DHX30: variants seen among roughly 807,000 people sequenced by gnomAD.
The protein encoded by DHX30 is DExH-box helicase 30.
A neutral mutation model predicts 116.9 loss-of-function variants in DHX30; 4 were observed. The observed-to-expected ratio is 0.03, with a 90% CI of 0.02 to 0.08. The LOEUF is 0.08. Among genes scored for constraint, DHX30 ranks in the 10% least tolerant of loss-of-function variants. The pLI, the probability that DHX30 is intolerant of heterozygous loss-of-function variation, is 1.00. For synonymous variants in DHX30, 697 were observed against 651.7 expected (o/e 1.07, Z -1.06); for missense variants, 871 against 1,595.1 (o/e 0.55, Z 7.73).
chr3:47,825,501 A>G (rs1050808633), intron 4 of DHX30, among the ~76,000 whole-genome samples: 1 of 152,204 alleles, frequency 6.6e-6, no homozygotes, highest in African/African-American at 2.4e-5. Context: ...GAGTGGGGAA[A>G]ACGAGTAAAA....
Position 47,805,377 on chromosome 3 carries a change from G to A in DHX30, c.-71G>A, listed in dbSNP as rs1337845521. 2.5e-6 allele frequency: 1 copy of A among 399,018 alleles called. No individual in the cohort carries two copies. Among genetic ancestry groups the A allele is most frequent in the African/African-American group, 2.1e-5 (1 of 48,650 alleles). The allele number at this position is 399,018 out of a possible 1,614,324, so 24.7% of individuals were successfully genotyped here. A position where few individuals can be genotyped will look rare whatever the true frequency, so the allele number is the denominator to read the frequency against. On this transcript the variant is annotated 5_prime_UTR_variant, in exon 2 of 22. Coordinates refer to ENST00000445061, the MANE Select transcript of DHX30 (RefSeq NM_138615.3). ...ATAGCAAGGAGAGAATTCAGCTCCA[G>A]TTCAAAAGCCTACAAAATCTGAGAC...
rs1327347038 is a variant in DHX30 at position 47,848,603 on chromosome 3, C to T, written c.2576-21C>T. 6 of 1,614,034 alleles carry T rather than the reference C, an allele frequency of 3.7e-6. No homozygotes were observed. Among genetic ancestry groups the T allele is most frequent in the Non-Finnish European group, 5.1e-6 (6 of 1,179,990 alleles). ...TGGGGAGTGGCTCTCGAGGGTGGTA[C>T]TGACAGCTGAGCCGTTGCAGGGGTG... On this transcript the variant is annotated intron_variant, in intron 16 of 21. Transcript: ENST00000445061. This position sits in a 1 kb window ranked among gnomAD's most constrained non-coding sequence, Gnocchi z 9.4.
chr3:47,845,804 C>G lies in DHX30; in HGVS notation c.1044C>G (p.Ile348Met). The G allele has an allele frequency of 6.2e-7, 1 of 1,611,082 alleles. No individual in the cohort carries two copies. Among genetic ancestry groups the G allele is most frequent in the Non-Finnish European group, 8.5e-7 (1 of 1,177,478 alleles). The change falls in exon 10 of 22, where the codon ATC becomes ATG. Residue 348 changes from isoleucine (I) to methionine (M), a missense_variant. By Grantham distance (10) the Ile-to-Met change is conservative (BLOSUM62 1). Around this residue, in one of 13 missense-constraint regions of DHX30, gnomAD observed 175 missense variants for 292.9 expected, o/e 0.60. Coordinates refer to ENST00000445061, the MANE Select transcript of DHX30 (RefSeq NM_138615.3). ...AGACCCAGCGCCGACCATGCACCAT[C>G]CAGGTGCCCGAGCCCATCCTCCGCA... ...LGETQRRPCTIQVPEPILRKI... is the reference protein window; with the variant it reads ...LGETQRRPCTMQVPEPILRKI...
chr3:47,803,490 G>A (rs1484471213), intron 1 of DHX30, among the ~76,000 whole-genome samples: 1 of 152,200 alleles, frequency 6.6e-6, no homozygotes, highest in Non-Finnish European at 1.5e-5. Flanking sequence ...CTCGCAGCCA[G>A]GGGCTCCGCG....
chr3:47,803,933 T>G (rs1375328172), intron 1 of DHX30, among the ~76,000 whole-genome samples: 1 of 152,196 alleles, frequency 6.6e-6, no homozygotes, highest in East Asian at 1.9e-4. Flanking sequence ...TGTTTCACTT[T>G]ACAACCCCAC....
intron 3 of DHX30, among the ~76,000 whole-genome samples, chr3:47,814,858 T>A (rs528381168): frequency 6.6e-6 from 1 of 152,016 alleles, no homozygotes; most frequent in African/African-American, 2.4e-5. Flanking sequence ...TTGTTCTGTA[T>A]TTTTTTAAGA....
chr3:47,845,526 G>T (rs1011896788), intron 9 of DHX30, 174 bp from the exon 10 acceptor site: 1 of 687,418 alleles, frequency 1.5e-6, no homozygotes, highest in Non-Finnish European at 2.1e-6. Context: ...GTTTATTTTG[G>T]TAAGTTAACA....
rs769809768 is a variant in DHX30, at chr3:47,840,973, C to T, written c.463C>T (p.Arg155Cys). ...RFGSPADSWW[R>C]PEPTMPPTSW... ...TGGCTCCCCTGCCGACAGCTGGTGGCGTCCGGAACCCACCATGCCCCCTAC... is the reference window on the plus strand; with the variant it reads ...TGGCTCCCCTGCCGACAGCTGGTGGTGTCCGGAACCCACCATGCCCCCTAC... Residue 155 changes from arginine (R) to cysteine (C), a missense_variant, in exon 7 of 22, where the codon CGT (arginine) becomes TGT (cysteine). Physicochemically the swap from Arg to Cys is radical, Grantham distance 180. Around this residue, in one of 13 missense-constraint regions of DHX30, gnomAD observed 109 missense variants for 118.8 expected, o/e 0.92. Coordinates refer to ENST00000445061, the MANE Select transcript of DHX30 (RefSeq NM_138615.3). 37 of 1,614,078 alleles carry T rather than the reference C, an allele frequency of 2.3e-5. No homozygotes were observed. The highest frequency in any genetic ancestry group is 4.0e-5 in the African/African-American group (3 of 74,940).
intron 2 of DHX30, among the ~76,000 whole-genome samples, chr3:47,809,997 T>C (rs1184242924): frequency 6.6e-6 from 1 of 152,232 alleles, no homozygotes; most frequent in Non-Finnish European, 1.5e-5. Context: ...CAGTTAAATA[T>C]ACTAATAAGC....
chr3:47,847,338 C>A lies in DHX30; in HGVS notation c.1995C>A (p.Arg665=), dbSNP rs145758649. ...VTDLVLHIDA[R]GEPGGILCFL... ...ATCTGGTTCTGCACATCGATGCTCG[C>A]GGGGAACCAGGTGGGTGCCTCCCCA... The change falls in exon 12 of 22, where the codon CGC becomes CGA. Residue 665 remains arginine, a synonymous_variant. Transcript: ENST00000445061. This position sits in a 1 kb window ranked among gnomAD's most constrained non-coding sequence, Gnocchi z 5.5. 174 of 1,614,234 alleles carry A rather than the reference C, an allele frequency of 1.1e-4. 1 individual carries two copies. The Middle Eastern group carries it at 2.0e-3, about 18-fold the overall frequency.
chr3:47,837,287 C>G (rs1026827984), intron 6 of DHX30, among the ~76,000 whole-genome samples: 3 of 152,340 alleles, frequency 2.0e-5, no homozygotes, highest in African/African-American at 7.2e-5. Context: ...AGGGCCTTCA[C>G]TGTCACAGGG....
intron 8 of DHX30, chr3:47,842,380 T>C (rs2037417376): frequency 6.6e-6 from 1 of 152,656 alleles, no homozygotes; most frequent in Admixed American, 6.5e-5. Flanking sequence ...CATAAAACCT[T>C]GAGTTCGTGT....
In DHX30 at chr3:47,849,961, G is replaced by A. The variant is rs1232399883; in HGVS notation, c.3426G>A (p.Arg1142=). The A allele has an allele frequency of 1.2e-6, 2 of 1,612,950 alleles. No homozygotes were observed. The highest frequency in any genetic ancestry group is 8.5e-7 in the Non-Finnish European group (1 of 1,179,740). The part of the protein sequence containing the change: ...SRTVRLLKEL[R]RALGRMVERS... ...CCGTGCGGCTGCTGAAGGAGCTGCG[G>A]CGGGCCCTGGGCCGCATGGTGGAGC... Residue 1142 remains arginine (R), a synonymous_variant, in exon 22 of 22, where the codon CGG becomes CGA. Transcript: ENST00000445061.
At chr3:47,813,925 G>T (rs1576465397) in intron 3 of DHX30, among the ~76,000 whole-genome samples, 1 of 89,238 alleles carries the variant, frequency 1.1e-5, no homozygotes, top group Non-Finnish European at 2.0e-5. Flanking sequence ...CCAGCTGTAT[G>T]TAAGAAGGAA....
intron 4 of DHX30, chr3:47,825,205 GC>G (rs1451346520): frequency 6.2e-6 from 4 of 648,956 alleles, no homozygotes; most frequent in East Asian, 3.3e-5. Flanking sequence ...GTCAGGGATG[GC>G]CCCCGGCGGG....
At chr3:47,815,265 C>T (rs2035998264) in intron 3 of DHX30, among the ~76,000 whole-genome samples, 1 of 152,150 alleles carries the variant, frequency 6.6e-6, no homozygotes, top group East Asian at 1.9e-4. Context: ...AGGAAAAGCA[C>T]CTGGCTATGG....
rs1374342475 is a variant in DHX30, at chr3:47,808,601, A to T, written c.-27-2056A>T. ...TTTTATTTTTATTTTTTTGAGATGGAGTCTCGCTCTGTTGCCCAGGCTGGA... is the reference window on the plus strand; with the variant it reads ...TTTTATTTTTATTTTTTTGAGATGGTGTCTCGCTCTGTTGCCCAGGCTGGA... On this transcript the variant is annotated intron_variant, in intron 2 of 21. Transcript: ENST00000445061. Among the ~76,000 whole-genome samples, 6 of 145,144 alleles carry T rather than the reference A, an allele frequency of 4.1e-5. No homozygotes were observed. In the South Asian group the frequency reaches 1.3e-3, roughly 32 times the overall value.
intron 1 of DHX30, among the ~76,000 whole-genome samples, chr3:47,804,600 T>C (rs540887950): frequency 1.3e-5 from 2 of 152,310 alleles, no homozygotes; most frequent in African/African-American, 4.8e-5. Context: ...TATTAGCTGT[T>C]GGACCTTTCT....
At chr3:47,846,114 G>A in intron 10 of DHX30, 51 bp from the exon 11 acceptor site, 1 of 1,566,358 alleles carries the variant, frequency 6.4e-7, no homozygotes, top group African/African-American at 1.3e-5. Context: ...CTGGTTGTGT[G>A]TGAATGAGGA....
Sources: allele counts gnomAD v4.1 joint callset (sites outside exome capture counted in the v4.1 genomes callset), GRCh38; gene constraint gnomAD v4.1.1; regional missense constraint gnomAD v4.1.1; non-coding constraint Gnocchi (gnomAD v3.1); transcripts MANE v1.5; gene names NCBI Gene and HGNC (gene_info 2026-07-23, HGNC 2026-07-21).